Variants in CHL1 observed in about 807,000 individuals in gnomAD.
The protein encoded by CHL1 is cell adhesion molecule L1 like.
CHL1 carries 96 observed loss-of-function variants against 141.9 expected under a neutral mutation model. That is an observed-to-expected ratio of 0.68 (90% CI 0.57 to 0.80). The LOEUF (loss-of-function observed/expected upper bound fraction) is 0.80, where lower values mean the gene tolerates loss of function less well. CHL1 is among the 30% of genes least tolerant of loss of function. The pLI, the probability that CHL1 is intolerant of heterozygous loss-of-function variation, is 0.00. For missense variants in CHL1, 1,820 were observed against 1,457.2 expected, an observed-to-expected ratio of 1.25 and a Z score of -4.05; for synonymous variants, 613 against 502.2, an observed-to-expected ratio of 1.22 and a Z score of -2.95.
At chr3:256,661 G>C (rs1001383776) in intron 2 of CHL1, among the ~76,000 whole-genome samples, 66 of 152,300 alleles carry the variant, frequency 4.3e-4, no homozygotes, top group African/African-American at 1.5e-3. Flanking sequence ...ATCATGCTGA[G>C]GTTGAGAAAC....
In CHL1 at chr3:244,709, TA is replaced by T. The variant is rs543636728; in HGVS notation, c.-95+19del. Reference sequence around the variant, plus strand: ...AATTTACTGGTAAGAGTATTTTCCTTAATCAGTTGTTTTATGCATTTTTGAT... The same window carrying T: ...AATTTACTGGTAAGAGTATTTTCCTTATCAGTTGTTTTATGCATTTTTGAT... On this transcript the variant is annotated intron_variant, in intron 2 of 27. Transcript: ENST00000256509. 2 of 152,206 alleles carry T rather than the reference TA, an allele frequency of 1.3e-5. No homozygotes were observed. The highest frequency in any genetic ancestry group is 2.9e-5 in the Non-Finnish European group (2 of 68,038). 9.4% of individuals were successfully genotyped at this position (152,206 alleles called of 1,614,324 possible). A position where few individuals can be genotyped will look rare whatever the true frequency, so the allele number is the denominator to read the frequency against.
chr3:377,952 C>G lies in CHL1; in HGVS notation c.1876+10C>G. 6.4e-7 allele frequency: 1 copy of G among 1,558,022 alleles called. No homozygotes were observed. Among genetic ancestry groups the G allele is most frequent in the South Asian group, 1.2e-5 (1 of 85,350 alleles). On this transcript the variant is annotated intron_variant, in intron 16 of 27. Coordinates refer to ENST00000256509, the MANE Select transcript of CHL1 (RefSeq NM_006614.4). ...CAAGTAACTGTTCTTGGTAAGTGCA[C>G]TAACTAATGAGAAATCTGTTCATTT...
At chr3:258,251 A>G (rs1694363950) in intron 2 of CHL1, among the ~76,000 whole-genome samples, 1 of 152,226 alleles carries the variant, frequency 6.6e-6, no homozygotes, top group Non-Finnish European at 1.5e-5. Flanking sequence ...GAAATCAATC[A>G]TATTATTATG....
chr3:223,384 G>A (rs1048293277), intron 1 of CHL1, among the ~76,000 whole-genome samples: 2 of 152,130 alleles, frequency 1.3e-5, no homozygotes, highest in Non-Finnish European at 2.9e-5. Flanking sequence ...TTTTGTGTGA[G>A]GACTATACCA....
intron 2 of CHL1, among the ~76,000 whole-genome samples, chr3:316,945 G>A (rs13080195): frequency 0.14 from 20,896 of 151,946 alleles, 1,716 homozygotes; most frequent in African/African-American, 0.21. Flanking sequence ...TTGCAAAATG[G>A]AATTCCTAAG....
intron 1 of CHL1, among the ~76,000 whole-genome samples, chr3:209,338 A>G (rs948496501): frequency 1.8e-4 from 28 of 152,320 alleles, no homozygotes; most frequent in South Asian, 4.1e-4. Context: ...CATTTAATAT[A>G]TTTCTTCCGC....
At chr3:234,207 A>ATG (rs10681448) in intron 1 of CHL1, among the ~76,000 whole-genome samples, 1 of 149,122 alleles carries the variant, frequency 6.7e-6, no homozygotes, top group Admixed American at 6.7e-5. Context: ...ATATATATAT[A>ATG]TGTATATATG....
chr3:318,627 T>C (rs1700315816), intron 2 of CHL1, among the ~76,000 whole-genome samples: 1 of 151,456 alleles, frequency 6.6e-6, no homozygotes, highest in African/African-American at 2.4e-5. Context: ...AAATATTCTG[T>C]TTAAATGAGA....
At position 329,254 on chromosome 3, in the gene CHL1, G is replaced by C. The variant is rs143401222; in HGVS notation, c.385+900G>C. On this transcript the variant is annotated intron_variant, in intron 5 of 27. Coordinates refer to ENST00000256509, the MANE Select transcript of CHL1 (RefSeq NM_006614.4). ...TAAAACTGTCAGCCAGCTTCTATTC[G>C]GTAATTTCTTCTTTTAGAGTCCTAG... Among the ~76,000 whole-genome samples the C allele has an allele frequency of 1.6e-3, 240 of 151,994 alleles. 1 individual carries two copies. Among genetic ancestry groups the C allele is most frequent in the African/African-American group, 5.5e-3 (227 of 41,466 alleles).
chr3:337,511 C>T (rs944941196), intron 5 of CHL1, among the ~76,000 whole-genome samples: 2 of 149,794 alleles, frequency 1.3e-5, no homozygotes, highest in Admixed American at 6.7e-5. Flanking sequence ...TGCTATCCCT[C>T]CCCTCTCCCC....
intron 11 of CHL1, among the ~76,000 whole-genome samples, chr3:355,227 C>T (rs9831076): frequency 0.85 from 129,513 of 152,066 alleles, 58,801 homozygotes; most frequent in Non-Finnish European, 0.99. Context: ...CCTCTGGTCC[C>T]GCTTGTCTCC....
chr3:361,555 G>T, intron 12 of CHL1, 144 bp from the exon 13 acceptor site: 1 of 562,758 alleles, frequency 1.8e-6, no homozygotes, highest in Non-Finnish European at 3.2e-6. Flanking sequence ...GTATTGAATT[G>T]GGATACTTCT....
rs753890940 is a variant in CHL1 at position 360,465 on chromosome 3, A to T, written c.1306+41A>T. 9.4e-6 allele frequency: 15 copies of T among 1,604,208 alleles called. 1 individual carries two copies. The South Asian group carries it at 1.7e-4, about 18-fold the overall frequency. ...AGCTGACTTAACATGCTATTTTCCT[A>T]AGGAAAGTGGTCAAGGTCATGTTCA... is the stretch of plus-strand genomic sequence containing the variant. On this transcript the variant is annotated intron_variant, in intron 12 of 27. Coordinates refer to ENST00000256509, the MANE Select transcript of CHL1 (RefSeq NM_006614.4).
rs185323441 is a variant in CHL1 at position 245,280 on chromosome 3, A to T, written c.-95+588A>T. 8.1e-4 allele frequency among the ~76,000 whole-genome samples: 124 copies of T among 152,294 alleles called. 1 individual carries two copies. In the East Asian group the frequency reaches 0.023, roughly 28 times the overall value. On this transcript the variant is annotated intron_variant, in intron 2 of 27. Transcript: ENST00000256509. ...GTTTGGAACAATAAGAAAAGTTCAC[A>T]TTGGAAGGAGGGCCAAACACACAGT...
chr3:235,357 TA>T (rs1243178272), intron 1 of CHL1, among the ~76,000 whole-genome samples: 1 of 152,068 alleles, frequency 6.6e-6, no homozygotes, highest in African/African-American at 2.4e-5. Context: ...TGGTCATTGT[TA>T]AATGAAGGAC....
intron 1 of CHL1, among the ~76,000 whole-genome samples, chr3:241,466 C>G (rs1692552108): frequency 6.6e-6 from 1 of 152,190 alleles, no homozygotes; most frequent in Non-Finnish European, 1.5e-5. Context: ...TGATCCGCAG[C>G]TCTCATATTA....
At chr3:391,976 T>G (rs1204455639) in intron 23 of CHL1, among the ~76,000 whole-genome samples, 179 bp downstream of exon 23, 4 of 152,188 alleles carry the variant, frequency 2.6e-5, no homozygotes, top group Non-Finnish European at 5.9e-5. Flanking sequence ...CTGCTGCCTG[T>G]TTTTAGGAAT....
chr3:305,294 A>G (rs557227118), intron 2 of CHL1, among the ~76,000 whole-genome samples: 3 of 152,144 alleles, frequency 2.0e-5, no homozygotes, highest in Non-Finnish European at 4.4e-5. Context: ...TATTTCAATG[A>G]CGACAGTATT....
chr3:281,551 A>G (rs905863666), intron 2 of CHL1, among the ~76,000 whole-genome samples: 1 of 142,598 alleles, frequency 7.0e-6, no homozygotes, highest in Non-Finnish European at 1.5e-5. Context: ...TATTTTTCCA[A>G]TTTGTACCTT....
Sources: allele counts gnomAD v4.1 joint callset (sites outside exome capture counted in the v4.1 genomes callset), GRCh38; gene constraint gnomAD v4.1.1; transcripts MANE v1.5; gene names NCBI Gene and HGNC (gene_info 2026-07-23, HGNC 2026-07-21).